The following MAP3K5 variants were observed in gnomAD, a reference collection of about 807,000 sequenced individuals.
MAP3K5 encodes mitogen-activated protein kinase kinase kinase 5, also known as ASK-1.
In MAP3K5, 56 loss-of-function variants were observed where a neutral mutation model predicts 158.7. The ratio of observed to expected loss-of-function variants is 0.35; its 90% CI spans 0.28 to 0.44. MAP3K5 has a LOEUF of 0.44. MAP3K5 is among the 20% of genes least tolerant of loss of function. The pLI is 1.00. For missense variants in MAP3K5, 1,294 were observed against 1,674.8 expected, an observed-to-expected ratio of 0.77 and a Z score of 3.97; for synonymous variants, 579 against 601.7, an observed-to-expected ratio of 0.96 and a Z score of 0.55.
chr6:136,791,624 C>A (rs1307712599), intron 1 of MAP3K5, 86 bp downstream of exon 1: 15 of 1,438,928 alleles, frequency 1.0e-5, no homozygotes, highest in Non-Finnish European at 1.4e-5. Flanking sequence ...AAATGCTTCC[C>A]GCCCAGAAAA....
At chr6:136,769,815 A>AGGGAGGGAGGGGGGGGG (rs1784122247) in intron 1 of MAP3K5, among the ~76,000 whole-genome samples, 2 of 13,668 alleles carry the variant, frequency 1.5e-4, no homozygotes, top group Admixed American at 1.2e-3. Flanking sequence ...GAGGGAGGGG[A>AGGGAGGGAGGGGGGGGG]CGGGAGGGAG....
intron 1 of MAP3K5, among the ~76,000 whole-genome samples, chr6:136,728,349 C>A (rs1782066488): frequency 6.6e-6 from 1 of 152,094 alleles, no homozygotes; most frequent in Non-Finnish European, 1.5e-5. Flanking sequence ...ACCTAAAAGT[C>A]ATGTCCTGTT....
intron 1 of MAP3K5, among the ~76,000 whole-genome samples, chr6:136,723,870 A>C (rs1324244509): frequency 1.3e-5 from 2 of 152,142 alleles, no homozygotes; most frequent in African/African-American, 4.8e-5. Context: ...GGGCTCTTTA[A>C]TACAAATAAA....
At chr6:136,766,598 A>G (rs1783978401) in intron 1 of MAP3K5, among the ~76,000 whole-genome samples, 1 of 152,234 alleles carries the variant, frequency 6.6e-6, no homozygotes, top group Non-Finnish European at 1.5e-5. Context: ...TTGGGAACAG[A>G]GGTCATTAAA....
chr6:136,557,911 C>T, intron 29 of MAP3K5, 93 bp from the exon 30 acceptor site: 1 of 845,146 alleles, frequency 1.2e-6, no homozygotes, highest in East Asian at 2.5e-5. Flanking sequence ...TTCATCTGCT[C>T]TGGTCAGAAG....
intron 1 of MAP3K5, among the ~76,000 whole-genome samples, chr6:136,790,794 C>A (rs976146177): frequency 6.6e-6 from 1 of 152,186 alleles, no homozygotes; most frequent in Admixed American, 6.5e-5. Flanking sequence ...CAACACTGGA[C>A]GTACAGGGGA....
intron 1 of MAP3K5, among the ~76,000 whole-genome samples, chr6:136,757,267 C>G (rs1371265988): frequency 6.6e-6 from 1 of 152,102 alleles, no homozygotes; most frequent in Non-Finnish European, 1.5e-5. Context: ...AAAATAAGTT[C>G]CAGGGAAAGA....
intron 19 of MAP3K5, 62 bp downstream of exon 19, chr6:136,605,147 C>T: frequency 6.5e-7 from 1 of 1,526,922 alleles, no homozygotes; most frequent in Non-Finnish European, 9.0e-7. Flanking sequence ...CACACACACA[C>T]AGAACATCCA....
chr6:136,721,343 T>G (rs1781741156), intron 1 of MAP3K5, among the ~76,000 whole-genome samples: 3 of 151,616 alleles, frequency 2.0e-5, no homozygotes, highest in African/African-American at 7.3e-5. Context: ...GTTAAATAAC[T>G]GATATCTAGT....
chr6:136,651,634 T>C (rs1265735040), intron 10 of MAP3K5, among the ~76,000 whole-genome samples: 1 of 152,166 alleles, frequency 6.6e-6, no homozygotes, highest in Non-Finnish European at 1.5e-5. Context: ...AACTTAGCTA[T>C]ATGAAATAAT....
intron 1 of MAP3K5, among the ~76,000 whole-genome samples, chr6:136,721,164 A>G (rs1217365851): frequency 6.6e-6 from 1 of 152,026 alleles, no homozygotes; most frequent in East Asian, 1.9e-4. Context: ...AGCAGGGGCT[A>G]ATGCTCTCTC....
intron 8 of MAP3K5, among the ~76,000 whole-genome samples, chr6:136,663,651 C>A (rs957987958): frequency 6.7e-6 from 1 of 149,848 alleles, no homozygotes; most frequent in Non-Finnish European, 1.5e-5. Flanking sequence ...ACTCTATTGC[C>A]CAGGCTGGAG....
At chr6:136,672,207 G>T (rs560749214) in intron 7 of MAP3K5, among the ~76,000 whole-genome samples, 1 of 152,198 alleles carries the variant, frequency 6.6e-6, no homozygotes, top group African/African-American at 2.4e-5. Context: ...CGTCTACTTG[G>T]GAGCCATTAC....
intron 1 of MAP3K5, among the ~76,000 whole-genome samples, chr6:136,750,545 C>T (rs947266544): frequency 6.6e-6 from 1 of 152,182 alleles, no homozygotes. Flanking sequence ...TCATGTAGCA[C>T]TTGAGTATTT....
chr6:136,699,756 C>G (rs961769537), intron 3 of MAP3K5, among the ~76,000 whole-genome samples: 1 of 152,198 alleles, frequency 6.6e-6, no homozygotes, highest in Non-Finnish European at 1.5e-5. Context: ...TTAGACTGTA[C>G]ATTCTGGACA....
chr6:136,707,810 G>T lies in MAP3K5; in HGVS notation c.589-2677C>A, dbSNP rs114444871. 6.0e-3 allele frequency among the ~76,000 whole-genome samples: 909 copies of T among 152,184 alleles called. 9 individuals are homozygous for T. The highest frequency in any genetic ancestry group is 0.021 in the African/African-American group (865 of 41,502). On this transcript the variant is annotated intron_variant, in intron 2 of 29. Transcript: ENST00000359015. Reference sequence around the variant, plus strand: ...GTAAAGGCTGAGAACAACATAAATGGCCATAATCTAAAAACTAGTTGAATA... The same window carrying T: ...GTAAAGGCTGAGAACAACATAAATGTCCATAATCTAAAAACTAGTTGAATA...
chr6:136,577,383 G>A (rs1337574302), intron 25 of MAP3K5, among the ~76,000 whole-genome samples: 1 of 152,164 alleles, frequency 6.6e-6, no homozygotes, highest in Non-Finnish European at 1.5e-5. Flanking sequence ...AATACAAAAA[G>A]TACTGTCTAT....
chr6:136,753,191 C>CT (rs2114931578), intron 1 of MAP3K5, among the ~76,000 whole-genome samples: 1 of 152,326 alleles, frequency 6.6e-6, no homozygotes, highest in African/African-American at 2.4e-5. Context: ...AATGTCTACA[C>CT]TTTAAGTACT....
intron 3 of MAP3K5, among the ~76,000 whole-genome samples, chr6:136,699,307 A>G (rs1780744413): frequency 6.6e-6 from 1 of 152,148 alleles, no homozygotes; most frequent in Non-Finnish European, 1.5e-5. Context: ...ACTTTAGTCC[A>G]TGCACCAATG....
Sources: allele counts gnomAD v4.1 joint callset (sites outside exome capture counted in the v4.1 genomes callset), GRCh38; gene constraint gnomAD v4.1.1; transcripts MANE v1.5; gene names NCBI Gene and HGNC (gene_info 2026-07-23, HGNC 2026-07-21).